Variants in FRMPD2 observed in about 807,000 individuals in gnomAD.
The protein encoded by FRMPD2 is FERM and PDZ domain containing 2.
In FRMPD2, 96 loss-of-function variants were observed where a neutral mutation model predicts 140.1. The ratio of observed to expected loss-of-function variants is 0.69; its 90% confidence interval spans 0.58 to 0.81. The LOEUF is 0.81. FRMPD2 is among the 40% of genes least tolerant of loss of function. The probability of loss-of-function intolerance (pLI) is 0.00; values close to 1 mark genes in which losing one functional copy is unlikely to be tolerated. For missense variants in FRMPD2, 1,240 were observed against 1,447.4 expected (o/e 0.86, Z 2.32); for synonymous variants, 449 against 547.6 (o/e 0.82, Z 2.52).
At chr10:48,218,481 C>T (rs1354812521) in intron 12 of FRMPD2, among the ~76,000 whole-genome samples, 1 of 152,182 alleles carries the variant, frequency 6.6e-6, no homozygotes, top group African/African-American at 2.4e-5. Context: ...AACCATCCTT[C>T]CTCCCTCTCA....
rs533746259 is a variant in FRMPD2, at chr10:48,193,017, A to G, written c.1955-123T>C. Reference sequence around the variant, plus strand: ...CCTCCTCCTTTCTTTTTCTGCTGCTATTTTGTCTCCTGTGATTATCCCTGG... The same window carrying G: ...CCTCCTCCTTTCTTTTTCTGCTGCTGTTTTGTCTCCTGTGATTATCCCTGG... On this transcript the variant is annotated intron_variant, in intron 15 of 28. Coordinates refer to ENST00000374201, the MANE Select transcript of FRMPD2 (RefSeq NM_001018071.4). 42 of 727,202 alleles carry G rather than the reference A, an allele frequency of 5.8e-5. No homozygotes were observed. In the South Asian group the frequency reaches 5.9e-4, roughly 10 times the overall value. 45.0% of individuals were successfully genotyped at this position (727,202 alleles called of 1,614,324 possible).
chr10:48,199,273 C>CAA (rs377604893), intron 15 of FRMPD2, among the ~76,000 whole-genome samples: 29,191 of 119,378 alleles, frequency 0.24, 3,015 homozygotes, highest in Non-Finnish European at 0.26. Context: ...TGAGTTCAGG[C>CAA]AAAAAAAAAA....
At chr10:48,171,765 G>T (rs1209232681) in intron 25 of FRMPD2, among the ~76,000 whole-genome samples, 1 of 152,014 alleles carries the variant, frequency 6.6e-6, no homozygotes, top group Non-Finnish European at 1.5e-5. Flanking sequence ...TATACATAAA[G>T]ATATAGCTGC....
At chr10:48,231,079 C>T (rs773488692) in intron 10 of FRMPD2, among the ~76,000 whole-genome samples, 3 of 152,140 alleles carry the variant, frequency 2.0e-5, no homozygotes, top group South Asian at 2.1e-4. Flanking sequence ...TTCCCTTCAA[C>T]GTGAGAGTAG....
chr10:48,221,892 G>T (rs1839595133), intron 12 of FRMPD2, among the ~76,000 whole-genome samples: 1 of 151,982 alleles, frequency 6.6e-6, no homozygotes, highest in South Asian at 2.1e-4. Context: ...ATGGGTAGAT[G>T]GGTGGGTGAG....
At chr10:48,243,693 G>A (rs774462820) in intron 4 of FRMPD2, among the ~76,000 whole-genome samples, 3 of 152,268 alleles carry the variant, frequency 2.0e-5, no homozygotes, top group African/African-American at 4.8e-5. Flanking sequence ...CCAGTGAGGC[G>A]TTACAAAAGG....
At position 48,244,903 on chromosome 10, in the gene FRMPD2, G is replaced by A. The variant is rs1588851946; in HGVS notation, c.310-54C>T. 8 of 1,319,892 alleles carry A rather than the reference G, an allele frequency of 6.1e-6. No individual in the cohort carries two copies. In the Admixed American group the frequency reaches 1.3e-4, roughly 22 times the overall value. 81.8% of individuals were successfully genotyped at this position (1,319,892 alleles called of 1,614,324 possible). A position where few individuals can be genotyped will look rare whatever the true frequency, so the allele number is the denominator to read the frequency against. On this transcript the variant is annotated intron_variant, in intron 3 of 28. Transcript: ENST00000374201. ...TTTCAATCATCTCTGTTATTCCATG[G>A]CTCTGCAAGAAAAATACAATCCAAT...
At chr10:48,232,080 C>A in intron 10 of FRMPD2, 35 bp downstream of exon 10, 2 of 1,610,326 alleles carry the variant, frequency 1.2e-6, no homozygotes, top group Non-Finnish European at 1.7e-6. Context: ...ACCAGAGGCA[C>A]CAGGCCAGCT....
chr10:48,181,878 T>TATATATATATATATATATATA (rs1564417058), intron 20 of FRMPD2, among the ~76,000 whole-genome samples: 3 of 36,240 alleles, frequency 8.3e-5, no homozygotes, highest in African/African-American at 1.9e-4. Flanking sequence ...TATATATATA[T>TATATATATATATATATATATA]GGCTCTCATA....
chr10:48,202,078 A>G (rs1196805892), intron 14 of FRMPD2, among the ~76,000 whole-genome samples: 2 of 152,172 alleles, frequency 1.3e-5, no homozygotes, highest in Admixed American at 1.3e-4. Context: ...GGTGAAGATG[A>G]CCTATATGAG....
chr10:48,274,515 G>A, intron 1 of FRMPD2, 28 bp downstream of exon 1: 1 of 1,611,664 alleles, frequency 6.2e-7, no homozygotes, highest in Non-Finnish European at 8.5e-7. Context: ...AGATTTATAG[G>A]AGAAAACTGA....
At chr10:48,237,788 G>A (rs927586757) in intron 8 of FRMPD2, among the ~76,000 whole-genome samples, 3 of 152,112 alleles carry the variant, frequency 2.0e-5, no homozygotes, top group Non-Finnish European at 2.9e-5. Context: ...GTCCCCCATA[G>A]AGCCTTCCCC....
chr10:48,240,393 C>T lies in FRMPD2; in HGVS notation c.667G>A (p.Ala223Thr). The T allele has an allele frequency of 6.2e-7, 1 of 1,613,090 alleles. No individual in the cohort carries two copies. The highest frequency in any genetic ancestry group is 8.5e-7 in the Non-Finnish European group (1 of 1,180,050). Residue 223 changes from alanine (A) to threonine (T), a missense_variant, in exon 6 of 29, where the codon GCA becomes ACA. This residue lies in a region of FRMPD2 where 1,161 missense variants were observed against 1,055.9 expected (regional missense o/e 1.10). Transcript: ENST00000374201. The stretch of plus-strand genomic sequence containing the variant: ...GGATGCAGACACTCCGGGGCCTGTG[C>T]CGCTGGGCTCTCGCTGCTTGTCCCA... ...LRGTSSESPA[A>T]QAPECLHPCR...
At chr10:48,240,256 G>T in intron 6 of FRMPD2, 104 bp downstream of exon 6, 1 of 1,297,208 alleles carries the variant, frequency 7.7e-7, no homozygotes, top group East Asian at 2.4e-5. Context: ...ACTTACATAG[G>T]CTTTCTCTGC....
At chr10:48,181,593 C>T (rs1471074818) in intron 20 of FRMPD2, among the ~76,000 whole-genome samples, 5 of 151,978 alleles carry the variant, frequency 3.3e-5, no homozygotes, top group Non-Finnish European at 5.9e-5. Flanking sequence ...AGCTAGGCCA[C>T]TGATTCCTGC....
At chr10:48,166,592 C>T (rs1281267009) in intron 27 of FRMPD2, among the ~76,000 whole-genome samples, 141 of 117,672 alleles carry the variant, frequency 1.2e-3, no homozygotes, top group African/African-American at 4.5e-3. Context: ...GCTTCATTAA[C>T]GATGGCCCAA....
intron 13 of FRMPD2, among the ~76,000 whole-genome samples, chr10:48,208,610 A>C (rs1299453879): frequency 6.6e-6 from 1 of 152,244 alleles, no homozygotes; most frequent in African/African-American, 2.4e-5. Context: ...AAAGGCCTGG[A>C]AACATAGGTG....
At chr10:48,271,186 GC>G (rs1840760330) in intron 1 of FRMPD2, among the ~76,000 whole-genome samples, 2 of 152,004 alleles carry the variant, frequency 1.3e-5, no homozygotes, top group Non-Finnish European at 2.9e-5. Context: ...AGCCTTAGAC[GC>G]ACCACAACCC....
At chr10:48,257,652 C>T (rs935089319) in intron 1 of FRMPD2, among the ~76,000 whole-genome samples, 1 of 152,132 alleles carries the variant, frequency 6.6e-6, no homozygotes, top group Admixed American at 6.5e-5. Context: ...CATTCTCTAC[C>T]TGTTTGCCTG....
Sources: allele counts gnomAD v4.1 joint callset (sites outside exome capture counted in the v4.1 genomes callset), GRCh38; gene constraint gnomAD v4.1.1; regional missense constraint gnomAD v4.1.1; transcripts MANE v1.5; gene names NCBI Gene and HGNC (gene_info 2026-07-23, HGNC 2026-07-21).